The following ATP6V0D1 variants were observed in gnomAD, a reference collection of about 807,000 sequenced individuals.
The protein encoded by ATP6V0D1 is V-type proton ATPase subunit d 1.
A neutral mutation model predicts 39.0 loss-of-function variants in ATP6V0D1; 13 were observed. The ratio of observed to expected loss-of-function variants is 0.33; its 90% CI spans 0.22 to 0.53. ATP6V0D1 has a LOEUF of 0.53. Ranked by LOEUF, ATP6V0D1 falls within the 20% of genes least tolerant of loss-of-function variation. ATP6V0D1 has a pLI of 0.94. For synonymous variants in ATP6V0D1, 191 were observed against 191.2 expected (o/e 1.00, Z 0.01); for missense variants, 272 against 470.9 (o/e 0.58, Z 3.91).
chr16:67,470,277 T>A (rs1198394177), intron 1 of ATP6V0D1, among the ~76,000 whole-genome samples: 1 of 151,578 alleles, frequency 6.6e-6, no homozygotes. Context: ...TGTATACCCC[T>A]TGGAGAGTCT....
chr16:67,446,695 G>A (rs536916596), intron 2 of ATP6V0D1, among the ~76,000 whole-genome samples: 233 of 152,102 alleles, frequency 1.5e-3, no homozygotes, highest in Non-Finnish European at 2.5e-3. Flanking sequence ...GCGCCACCCC[G>A]CAATACTCTA....
At chr16:67,477,254 T>C (rs1265473104) in intron 1 of ATP6V0D1, among the ~76,000 whole-genome samples, 3 of 152,088 alleles carry the variant, frequency 2.0e-5, no homozygotes, top group African/African-American at 7.2e-5. Flanking sequence ...ATCTATATAT[T>C]AAAATACTTG....
intron 6 of ATP6V0D1, 24 bp downstream of exon 6, chr16:67,438,947 T>G (rs1431544180): frequency 2.5e-6 from 4 of 1,613,472 alleles, no homozygotes; most frequent in Non-Finnish European, 3.4e-6. Flanking sequence ...ATCCAACCGC[T>G]GTCCTGCCAG....
chr16:67,465,210 G>A (rs2041319700), intron 1 of ATP6V0D1, among the ~76,000 whole-genome samples: 1 of 152,208 alleles, frequency 6.6e-6, no homozygotes, highest in African/African-American at 2.4e-5. Flanking sequence ...TACAGGGTAG[G>A]AGAGACTTGT....
intron 1 of ATP6V0D1, among the ~76,000 whole-genome samples, chr16:67,466,168 T>A (rs2041327434): frequency 6.6e-6 from 1 of 152,118 alleles, no homozygotes; most frequent in Non-Finnish European, 1.5e-5. Context: ...CACAGAGCTA[T>A]GCAGGAATGT....
rs1318619635 is a variant in ATP6V0D1, at chr16:67,453,175, A to C, written c.302+369T>G. On this transcript the variant is annotated intron_variant, in intron 2 of 7. Coordinates refer to ENST00000290949, the MANE Select transcript of ATP6V0D1 (RefSeq NM_004691.5). The surrounding 1 kb of genome is among the most constrained non-coding windows in gnomAD (Gnocchi z 4.1). ...TGTTCTGTTTGGGTGCTGTAGGGTA[A>C]GAAAAAGGGCTCCCACCTTCCCAGG... 1.3e-5 allele frequency among the ~76,000 whole-genome samples: 2 copies of C among 152,168 alleles called. No individual in the cohort carries two copies. The highest frequency in any genetic ancestry group is 2.9e-5 in the Non-Finnish European group (2 of 68,036).
chr16:67,474,078 C>T (rs1224164739), intron 1 of ATP6V0D1, among the ~76,000 whole-genome samples: 1 of 152,188 alleles, frequency 6.6e-6, no homozygotes, highest in Admixed American at 6.5e-5. Flanking sequence ...TTTTGATGGT[C>T]ACTCAGTCTG....
At chr16:67,457,558 G>C (rs2041250142) in intron 1 of ATP6V0D1, 1 of 1,288,932 alleles carries the variant, frequency 7.8e-7, no homozygotes, top group Non-Finnish European at 1.0e-6. Flanking sequence ...AACACTCACT[G>C]CTCACCTGAC....
intron 1 of ATP6V0D1, among the ~76,000 whole-genome samples, chr16:67,474,852 A>G (rs2041402233): frequency 6.6e-6 from 1 of 152,150 alleles, no homozygotes; most frequent in Admixed American, 6.5e-5. Context: ...CTTCTCCTAC[A>G]TGCCACCATC....
chr16:67,466,800 A>AAAAAG (rs944665173), intron 1 of ATP6V0D1, among the ~76,000 whole-genome samples: 15 of 152,302 alleles, frequency 9.8e-5, no homozygotes, highest in South Asian at 2.1e-4. Context: ...CTGTCTCAAA[A>AAAAAG]AAAAGAAAAG....
chr16:67,475,472 G>A (rs1487757352), intron 1 of ATP6V0D1, among the ~76,000 whole-genome samples: 1 of 152,202 alleles, frequency 6.6e-6, no homozygotes, highest in Non-Finnish European at 1.5e-5. Flanking sequence ...CATCAAACAT[G>A]GGCCCTTCAC....
Position 67,439,288 on chromosome 16 carries a change from A to G in ATP6V0D1, c.625T>C (p.Cys209Arg). The G allele has an allele frequency of 1.2e-6, 2 of 1,614,134 alleles. No homozygotes were observed. Among genetic ancestry groups the G allele is most frequent in the Non-Finnish European group, 1.7e-6 (2 of 1,180,030 alleles). ...LLGGTTADAM[C>R]PILEFEADRR... ...CAGGCACTCACCTCCAGGATGGGGC[A>G]CATGGCATCAGCCGTAGTCCCGCCC... Residue 209 changes from cysteine to arginine, a missense_variant, in exon 5 of 8, where the codon TGC (cysteine) becomes CGC (arginine). Around this residue, in one of 4 missense-constraint regions of ATP6V0D1, gnomAD observed 135 missense variants for 273.8 expected, o/e 0.49. Transcript: ENST00000290949.
At position 67,438,540 on chromosome 16, in the gene ATP6V0D1, G is replaced by T; in HGVS notation, c.1044C>A (p.Ile348=). 6.2e-7 allele frequency: 1 copy of T among 1,614,208 alleles called. No individual in the cohort carries two copies. Among genetic ancestry groups the T allele is most frequent in the Non-Finnish European group, 8.5e-7 (1 of 1,180,040 alleles). The change falls in exon 8 of 8, where the codon ATC becomes ATA. Residue 348 remains isoleucine, a synonymous_variant. Transcript: ENST00000290949. The part of the protein sequence containing the change: ...QRHRAKIDNY[I]PIF ...TTGGGCCAGGACGCTAGAAGATAGG[G>T]ATGTAGTTGTCGATTTTGGCGCGGT... is the stretch of plus-strand genomic sequence containing the variant.
intron 1 of ATP6V0D1, among the ~76,000 whole-genome samples, chr16:67,459,584 A>G (rs1200891601): frequency 6.6e-6 from 1 of 152,378 alleles, no homozygotes; most frequent in African/African-American, 2.4e-5. Flanking sequence ...TCTGTGTGAC[A>G]AAGTATGGGC....
intron 1 of ATP6V0D1, among the ~76,000 whole-genome samples, chr16:67,478,878 G>C (rs759642037): frequency 6.6e-6 from 1 of 152,144 alleles, no homozygotes; most frequent in Non-Finnish European, 1.5e-5. Context: ...ACAGCAGCAG[G>C]AGTGAGGAAA....
chr16:67,477,283 T>C (rs955433560), intron 1 of ATP6V0D1, among the ~76,000 whole-genome samples: 1 of 152,178 alleles, frequency 6.6e-6, no homozygotes, highest in African/African-American at 2.4e-5. Flanking sequence ...TCAACTGAAA[T>C]GTATGGATCA....
intron 1 of ATP6V0D1, among the ~76,000 whole-genome samples, chr16:67,478,800 G>A (rs556043859): frequency 1.3e-5 from 2 of 152,172 alleles, no homozygotes; most frequent in Admixed American, 6.6e-5. Flanking sequence ...GTTCATGGGG[G>A]ATGATAGAGG....
Position 67,480,968 on chromosome 16 carries a change from T to C in ATP6V0D1, c.119A>G (p.Glu40Gly). ...QADYLNLVQC[E>G]TLEDLKLHLQ... Reference sequence around the variant, plus strand: ...CGGCCCCGGCTCACCCTCTAGCGTCTCGCACTGCACCAGGTTGAGGTAGTC... The same window carrying C: ...CGGCCCCGGCTCACCCTCTAGCGTCCCGCACTGCACCAGGTTGAGGTAGTC... Residue 40 changes from glutamate (E) to glycine (G), a missense_variant, in exon 1 of 8, where the codon GAG (glutamate) becomes GGG (glycine). Glu to Gly is a moderately conservative substitution (Grantham distance 98). Coordinates refer to ENST00000290949, the MANE Select transcript of ATP6V0D1 (RefSeq NM_004691.5). 1 of 1,614,086 alleles carries C rather than the reference T, an allele frequency of 6.2e-7. No individual in the cohort carries two copies. Among genetic ancestry groups the C allele is most frequent in the Non-Finnish European group, 8.5e-7 (1 of 1,179,982 alleles).
At chr16:67,439,171 G>C (rs911171807) in intron 5 of ATP6V0D1, 24 bp from the exon 6 acceptor site, 1 of 1,613,736 alleles carries the variant, frequency 6.2e-7, no homozygotes, top group East Asian at 2.2e-5. Flanking sequence ...GCACAGGTAA[G>C]AAGAGAGGGA....
Sources: allele counts gnomAD v4.1 joint callset (sites outside exome capture counted in the v4.1 genomes callset), GRCh38; gene constraint gnomAD v4.1.1; regional missense constraint gnomAD v4.1.1; non-coding constraint Gnocchi (gnomAD v3.1); transcripts MANE v1.5; gene names NCBI Gene and HGNC (gene_info 2026-07-23, HGNC 2026-07-21).